The following NT5DC3 variants were observed in gnomAD, a reference collection of about 807,000 sequenced individuals.
The protein encoded by NT5DC3 is 5'-nucleotidase domain containing 3.
A neutral mutation model predicts 67.8 loss-of-function variants in NT5DC3; 42 were observed. The ratio of observed to expected loss-of-function variants is 0.62; its 90% CI spans 0.48 to 0.80. The LOEUF (loss-of-function observed/expected upper bound fraction) is 0.80, where lower values mean the gene tolerates loss of function less well. NT5DC3 is among the 30% of genes least tolerant of loss of function. The probability of loss-of-function intolerance (pLI) is 0.00; values close to 1 mark genes in which losing one functional copy is unlikely to be tolerated. For missense variants in NT5DC3, 570 were observed against 696.4 expected (o/e 0.82, Z 2.04); for synonymous variants, 237 against 255.6 (o/e 0.93, Z 0.69).
the NT5DC3 span, chr12:103,758,011 T>C: frequency 9.4e-7 from 1 of 1,060,718 alleles, no homozygotes; most frequent in Non-Finnish European, 1.3e-6. Context: ...CCTCAAACTC[T>C]CCCACGGCGC....
At chr12:103,821,357 T>C (rs1887482958) in intron 1 of NT5DC3, among the ~76,000 whole-genome samples, 1 of 152,204 alleles carries the variant, frequency 6.6e-6, no homozygotes. Flanking sequence ...CTCCCCAACA[T>C]TCAAACTGTA....
chr12:103,831,975 C>A (rs116307877), intron 1 of NT5DC3, among the ~76,000 whole-genome samples: 28 of 151,952 alleles, frequency 1.8e-4, no homozygotes, highest in African/African-American at 6.8e-4. Flanking sequence ...CAGGGTTTCA[C>A]CATGTTGCCC....
At chr12:103,791,699 C>T (rs1307348194) in intron 9 of NT5DC3, among the ~76,000 whole-genome samples, 1 of 152,198 alleles carries the variant, frequency 6.6e-6, no homozygotes, top group African/African-American at 2.4e-5. Context: ...GGAACCGGGC[C>T]GCACAGCAGG....
the NT5DC3 span, chr12:103,758,397 G>C: frequency 1.3e-6 from 2 of 1,539,478 alleles, no homozygotes; most frequent in Admixed American, 3.6e-5. Flanking sequence ...CATTTATTTA[G>C]CTCACAGATC....
chr12:103,757,158 G>A, the NT5DC3 span, among the ~76,000 whole-genome samples: 5 of 150,924 alleles, frequency 3.3e-5, no homozygotes, highest in Non-Finnish European at 2.9e-5. Context: ...GCATGATCTC[G>A]GCTCATGGCA....
chr12:103,807,396 T>C (rs1886846555), intron 2 of NT5DC3, among the ~76,000 whole-genome samples: 1 of 152,212 alleles, frequency 6.6e-6, no homozygotes, highest in South Asian at 2.1e-4. Context: ...ATTCAACTCA[T>C]ATGTGAGCAC....
intron 11 of NT5DC3, among the ~76,000 whole-genome samples, chr12:103,785,918 C>T (rs1352835862): frequency 6.6e-6 from 1 of 152,058 alleles, no homozygotes; most frequent in East Asian, 1.9e-4. Flanking sequence ...TCACATACAA[C>T]ATAAGCATGC....
downstream of NT5DC3, chr12:103,766,602 G>T: frequency 4.7e-6 from 2 of 425,476 alleles, no homozygotes; most frequent in South Asian, 3.0e-5. Flanking sequence ...CTACATGATG[G>T]GTAACTGTGA....
At chr12:103,796,808 C>A in intron 6 of NT5DC3, 86 bp downstream of exon 6, 1 of 1,411,756 alleles carries the variant, frequency 7.1e-7, no homozygotes, top group Non-Finnish European at 9.9e-7. Flanking sequence ...AAACACCTAA[C>A]CTAGAAAGGA....
chr12:103,755,749 G>C, the NT5DC3 span: 1 of 1,609,742 alleles, frequency 6.2e-7, no homozygotes, highest in African/African-American at 1.3e-5. Context: ...GTTTGCCTCA[G>C]GCAGGGAGGG....
At chr12:103,801,148 T>C (rs1265920028) in intron 4 of NT5DC3, among the ~76,000 whole-genome samples, 3 of 152,168 alleles carry the variant, frequency 2.0e-5, no homozygotes, top group South Asian at 2.1e-4. Context: ...AAATTCACCC[T>C]GGTGTAGGGA....
intron 1 of NT5DC3, among the ~76,000 whole-genome samples, chr12:103,823,029 A>C (rs1887553367): frequency 2.6e-5 from 4 of 152,176 alleles, no homozygotes; most frequent in Admixed American, 2.6e-4. Flanking sequence ...AATCCTTAAA[A>C]GTTCAATTGT....
intron 2 of NT5DC3, among the ~76,000 whole-genome samples, chr12:103,810,038 G>A (rs555645482): frequency 1.2e-4 from 18 of 148,812 alleles, no homozygotes; most frequent in Middle Eastern, 3.6e-3. Context: ...CCAAAAATGC[G>A]TGTGGCAAGT....
At chr12:103,763,201 C>G in the NT5DC3 span, 1 of 327,560 alleles carries the variant, frequency 3.1e-6, no homozygotes, top group Non-Finnish European at 5.7e-6. Context: ...AGCAGTTACC[C>G]TGGGTGGCAG....
At chr12:103,779,999 G>A (rs1163022350) in intron 13 of NT5DC3, among the ~76,000 whole-genome samples, 1 of 152,186 alleles carries the variant, frequency 6.6e-6, no homozygotes, top group Non-Finnish European at 1.5e-5. Flanking sequence ...CCCACCAGCT[G>A]CCCAGATGGG....
At chr12:103,808,689 C>A (rs552556972) in intron 2 of NT5DC3, among the ~76,000 whole-genome samples, 36 of 152,216 alleles carry the variant, frequency 2.4e-4, no homozygotes, top group Non-Finnish European at 4.9e-4. Context: ...TATGGTCCTG[C>A]ATTTTTGCAG....
chr12:103,803,860 C>CCG (rs66834812), intron 4 of NT5DC3, among the ~76,000 whole-genome samples: 1 of 85,140 alleles, frequency 1.2e-5, no homozygotes, highest in Non-Finnish European at 2.6e-5. Flanking sequence ...TTCATTACCA[C>CCG]CCCCCCCCCA....
At chr12:103,801,728 G>A (rs1886594296) in intron 4 of NT5DC3, among the ~76,000 whole-genome samples, 1 of 152,218 alleles carries the variant, frequency 6.6e-6, no homozygotes, top group East Asian at 1.9e-4. Context: ...GGCAGAGAAA[G>A]GCTGTTTTTG....
chr12:103,813,944 A>G (rs151294732), intron 2 of NT5DC3, among the ~76,000 whole-genome samples: 64 of 152,076 alleles, frequency 4.2e-4, no homozygotes, highest in African/African-American at 1.4e-3. Flanking sequence ...TTTGCTGCCA[A>G]CTCCTTCAAG....
Sources: allele counts gnomAD v4.1 joint callset (sites outside exome capture counted in the v4.1 genomes callset), GRCh38; gene constraint gnomAD v4.1.1; transcripts MANE v1.5; gene names NCBI Gene and HGNC (gene_info 2026-07-23, HGNC 2026-07-21).